The following GATA1 variants were observed in gnomAD, a reference collection of about 807,000 sequenced individuals.
GATA1 encodes the protein GATA binding protein 1.
Under a neutral mutation model 18.9 loss-of-function variants are expected in GATA1, and 2 were observed. The ratio of observed to expected loss-of-function variants is 0.11; its 90% confidence interval spans 0.04 to 0.33. The LOEUF is 0.33. GATA1 is among the 10% of genes least tolerant of loss of function. The pLI is 1.00. For missense variants in GATA1, 272 were observed against 344.7 expected, an observed-to-expected ratio of 0.79 and a Z score of 1.67; for synonymous variants, 152 against 149.1, an observed-to-expected ratio of 1.02 and a Z score of -0.14.
In GATA1 at chrX:48,793,156, T is replaced by C; in HGVS notation, c.745-16T>C. 8.3e-7 allele frequency: 1 copy of C among 1,209,667 alleles called. No homozygotes were observed. On this transcript the variant is annotated splice_polypyrimidine_tract_variant and intron_variant, in intron 4 of 5. Transcript: ENST00000376670. ...ACATCCCCAGGGCACTGATCTCACA[T>C]CCTGTCGTCCCCTAGATTGTCAGTA...
At chrX:48,787,199 C>T (rs187978973) in intron 1 of GATA1, among the ~76,000 whole-genome samples, 2 of 111,050 alleles carry the variant, frequency 1.8e-5, no homozygotes, top group African/African-American at 6.6e-5. Flanking sequence ...ACTCTTTGTT[C>T]CCAATGACTT....
chrX:48,787,154 C>G (rs782150554), intron 1 of GATA1, among the ~76,000 whole-genome samples: 2 of 110,847 alleles, frequency 1.8e-5, no homozygotes, highest in Admixed American at 1.9e-4. Context: ...AACCCTAGCT[C>G]CATCCTCTTA....
At chrX:48,793,657 C>A (rs1377737456) in intron 5 of GATA1, 136 bp from the exon 6 acceptor site, 1 of 961,169 alleles carries the variant, frequency 1.0e-6, no homozygotes, top group Non-Finnish European at 1.4e-6. Context: ...GCCTCACAGC[C>A]TCAGGATTCC....
chrX:48,793,751 A>G, intron 5 of GATA1, 42 bp from the exon 6 acceptor site: 1 of 1,207,321 alleles, frequency 8.3e-7, no homozygotes. Context: ...CAGAGAGGCA[A>G]AGGTCTGGAG....
intron 2 of GATA1, 149 bp from the exon 3 acceptor site, chrX:48,791,695 C>A: frequency 1.5e-6 from 1 of 652,833 alleles, no homozygotes; most frequent in Non-Finnish European, 2.4e-6. Context: ...AGGAAGCATC[C>A]AATGGCCAGC....
intron 1 of GATA1, among the ~76,000 whole-genome samples, chrX:48,787,096 T>C (rs1276070031): frequency 9.1e-6 from 1 of 110,338 alleles, no homozygotes; most frequent in Non-Finnish European, 1.9e-5. Flanking sequence ...CAACGCCTTG[T>C]CTTTGCCCCA....
intron 4 of GATA1, among the ~76,000 whole-genome samples, chrX:48,792,706 C>T (rs2062678725): frequency 1.8e-5 from 2 of 111,590 alleles, no homozygotes; most frequent in Admixed American, 9.5e-5. Flanking sequence ...CATGAGAACT[C>T]CTGCCCTTTC....
rs782594527 is a variant in GATA1 at position 48,793,944 on chromosome X, G to A, written c.1022G>A (p.Ser341Asn). ...AGGFMVVAGG[S>N]GSGNCGEVAS... ...GGCTTTATGGTGGTGGCTGGGGGCA[G>A]CGGTAGCGGGAATTGTGGGGAGGTG... Residue 341 changes from serine to asparagine, a missense_variant, in exon 6 of 6, where the codon AGC becomes AAC. Physicochemically the swap from Ser to Asn is conservative, Grantham distance 46. Coordinates refer to ENST00000376670, the MANE Select transcript of GATA1 (RefSeq NM_002049.4). The A allele has an allele frequency of 1.7e-6, 2 of 1,203,132 alleles. No individual in the cohort carries two copies. Among genetic ancestry groups the A allele is most frequent in the South Asian group, 1.8e-5 (1 of 55,571 alleles).
At position 48,791,276 on chromosome X, in the gene GATA1, C is replaced by T; in HGVS notation, c.167C>T (p.Ala56Val). 1 of 1,207,151 alleles carries T rather than the reference C, an allele frequency of 8.3e-7. No individual in the cohort carries two copies. The highest frequency in any genetic ancestry group is 1.8e-5 in the South Asian group (1 of 55,915). ...SSTAPSTATAAAAALAYYRDA... is the reference protein window; with the variant it reads ...SSTAPSTATAVAAALAYYRDA... ...ACTGCCCCGAGCACAGCCACCGCTG[C>T]AGCTGCGGCACTGGCCTACTACAGG... is the stretch of plus-strand genomic sequence containing the variant. Residue 56 changes from alanine to valine, a missense_variant, in exon 2 of 6, where the codon GCA becomes GTA. Ala to Val is a moderately conservative substitution (Grantham distance 64). This residue lies in a region of GATA1 where 147 missense variants were observed against 157.4 expected (regional missense o/e 0.93). Coordinates refer to ENST00000376670, the MANE Select transcript of GATA1 (RefSeq NM_002049.4).
In GATA1 at chrX:48,793,790, C is replaced by T; in HGVS notation, c.871-3C>T. ...GGGACACCCGCAGCCTCCTTTTTGGCAGGTGAACCGGCCACTGACCATGCG... is the reference window on the plus strand; with the variant it reads ...GGGACACCCGCAGCCTCCTTTTTGGTAGGTGAACCGGCCACTGACCATGCG... On this transcript the variant is annotated splice_polypyrimidine_tract_variant and splice_region_variant and intron_variant, in intron 5 of 5. Coordinates refer to ENST00000376670, the MANE Select transcript of GATA1 (RefSeq NM_002049.4). The T allele has an allele frequency of 1.7e-6, 2 of 1,210,245 alleles. No homozygotes were observed. Among genetic ancestry groups the T allele is most frequent in the Non-Finnish European group, 2.2e-6 (2 of 894,967 alleles).
intron 4 of GATA1, 113 bp from the exon 5 acceptor site, chrX:48,793,059 C>A: frequency 1.2e-6 from 1 of 812,839 alleles, no homozygotes; most frequent in Non-Finnish European, 1.8e-6. Context: ...GTAAACAAAG[C>A]CCTGCCTTCA....
At position 48,794,100 on chromosome X, in the gene GATA1, C is replaced by T. The variant is rs782756445; in HGVS notation, c.1178C>T (p.Ser393Phe). 1.7e-6 allele frequency: 2 copies of T among 1,197,614 alleles called. No individual in the cohort carries two copies. The highest frequency in any genetic ancestry group is 3.7e-5 in the South Asian group (2 of 54,111). ...CCCCTACTGGGCTCACCCACGGGCT[C>T]CTTCCCCACAGGCCCCATGCCCCCC... ...PGPLLGSPTG[S>F]FPTGPMPPTT... The change falls in exon 6 of 6, where the codon TCC becomes TTC. Residue 393 changes from serine (S) to phenylalanine (F), a missense_variant. By Grantham distance (155) the Ser-to-Phe change is radical. Around this residue, in one of 3 missense-constraint regions of GATA1, gnomAD observed 83 missense variants for 84.2 expected, o/e 0.99. Coordinates refer to ENST00000376670, the MANE Select transcript of GATA1 (RefSeq NM_002049.4).
rs2062672557 is a variant in GATA1, at chrX:48,790,967, G to A, written c.-19-124G>A. The A allele has an allele frequency of 1.6e-5, 8 of 490,482 alleles. 1 individual carries two copies. The Admixed American group carries it at 2.3e-4, about 14-fold the overall frequency. 40.4% of individuals were successfully genotyped at this position (490,482 alleles called of 1,213,427 possible). A position where few individuals can be genotyped will look rare whatever the true frequency, so the allele number is the denominator to read the frequency against. On this transcript the variant is annotated intron_variant, in intron 1 of 5. Coordinates refer to ENST00000376670, the MANE Select transcript of GATA1 (RefSeq NM_002049.4). ...AGGAGGAGGGGGGAATGGGGAGGTG[G>A]GAAGGAGAAATATGGAGACTGAGGT...
Position 48,790,807 on chromosome X carries a change from G to GAC in GATA1, c.-19-282_-19-281dup, listed in dbSNP as rs1476867380. Among the ~76,000 whole-genome samples the GAC allele has an allele frequency of 3.0e-5, 3 of 100,637 alleles. 1 individual carries two copies. Among genetic ancestry groups the GAC allele is most frequent in the Non-Finnish European group, 2.0e-5 (1 of 49,564 alleles). 87.4% of individuals were successfully genotyped at this position (100,637 alleles called of 115,157 possible). A position where few individuals can be genotyped will look rare whatever the true frequency, so the allele number is the denominator to read the frequency against. ...GAGCGAGAGGAGGGAGGAGAGGAAAGACAAACGGCAAGAGGGGGAGAACGA... is the reference window on the plus strand; with the variant it reads ...GAGCGAGAGGAGGGAGGAGAGGAAAGACACAAACGGCAAGAGGGGGAGAACGA... On this transcript the variant is annotated intron_variant, in intron 1 of 5. Coordinates refer to ENST00000376670, the MANE Select transcript of GATA1 (RefSeq NM_002049.4).
In GATA1 at chrX:48,794,259, C is replaced by G. The variant is rs782302196; in HGVS notation, c.*95C>G. 26 of 1,051,121 alleles carry G rather than the reference C, an allele frequency of 2.5e-5. No homozygotes were observed. In the Middle Eastern group the frequency reaches 1.0e-3, roughly 41 times the overall value. The allele number at this position is 1,051,121 out of a possible 1,213,427, so 86.6% of individuals were successfully genotyped here. A position where few individuals can be genotyped will look rare whatever the true frequency, so the allele number is the denominator to read the frequency against. On this transcript the variant is annotated 3_prime_UTR_variant, in exon 6 of 6. Transcript: ENST00000376670. ...CCAAGTCTCTGGGCCCCAGGCACCC[C>G]CTGGCTTGAACCTTCAAAGCTTTTG...
rs1387776883 is a variant in GATA1, at chrX:48,793,980, T to C, written c.1058T>C (p.Leu353Pro). The C allele has an allele frequency of 3.3e-6, 4 of 1,205,955 alleles. No homozygotes were observed. The African/African-American group carries it at 7.0e-5, about 21-fold the overall frequency. ...SGNCGEVASG[L>P]TLGPPGTAHL... ...AATTGTGGGGAGGTGGCTTCAGGCC[T>C]GACACTGGGCCCCCCAGGTACTGCC... The change falls in exon 6 of 6, where the codon CTG becomes CCG. Residue 353 changes from leucine to proline, a missense_variant. Physicochemically the swap from Leu to Pro is moderately conservative, Grantham distance 98 (BLOSUM62 -3). Coordinates refer to ENST00000376670, the MANE Select transcript of GATA1 (RefSeq NM_002049.4).
At chrX:48,787,333 T>C (rs1401510538) in intron 1 of GATA1, among the ~76,000 whole-genome samples, 1 of 111,374 alleles carries the variant, frequency 9.0e-6, no homozygotes, top group Admixed American at 9.6e-5. Context: ...CCCTCATGTC[T>C]GCCTTCCCCA....
rs1557020458 is a variant in GATA1, at chrX:48,793,309, C to T, written c.870+12C>T. The T allele has an allele frequency of 1.7e-6, 2 of 1,208,416 alleles. No homozygotes were observed. The highest frequency in any genetic ancestry group is 2.2e-5 in the Admixed American group (1 of 45,964). On this transcript the variant is annotated intron_variant, in intron 5 of 5. Coordinates refer to ENST00000376670, the MANE Select transcript of GATA1 (RefSeq NM_002049.4). ...ACAAGCTACACCAGGTGACGCCCTG[C>T]CCCTTGGAGCCACCCCTCTGCTTTC...
chrX:48,793,696 C>G, intron 5 of GATA1, 97 bp from the exon 6 acceptor site: 1 of 1,123,772 alleles, frequency 8.9e-7, no homozygotes, highest in Non-Finnish European at 1.2e-6. Flanking sequence ...CAAAAATTAT[C>G]TTACCCTGAA....
Sources: allele counts gnomAD v4.1 joint callset (sites outside exome capture counted in the v4.1 genomes callset), GRCh38; gene constraint gnomAD v4.1.1; regional missense constraint gnomAD v4.1.1; transcripts MANE v1.5; gene names NCBI Gene and HGNC (gene_info 2026-07-23, HGNC 2026-07-21).